The following WIPI2 variants were observed in gnomAD, a reference collection of about 807,000 sequenced individuals.
WIPI2 encodes WD repeat domain, phosphoinositide interacting 2.
Under a neutral mutation model 52.3 loss-of-function variants are expected in WIPI2, and 28 were observed. That is an observed-to-expected ratio of 0.54 (90% CI 0.40 to 0.73). The LOEUF (loss-of-function observed/expected upper bound fraction) is 0.73. WIPI2 is among the 30% of genes least tolerant of loss of function. WIPI2 has a pLI of 0.00. For missense variants in WIPI2, 506 were observed against 602.9 expected, an observed-to-expected ratio of 0.84 and a Z score of 1.68; for synonymous variants, 268 against 245.0, an observed-to-expected ratio of 1.09 and a Z score of -0.88.
chr7:5,210,806 C>T (rs567966627), intron 3 of WIPI2, among the ~76,000 whole-genome samples: 10 of 152,282 alleles, frequency 6.6e-5, no homozygotes, highest in Admixed American at 4.6e-4. Flanking sequence ...GGCCTCTGGT[C>T]GCAACATTTT....
chr7:5,220,454 T>C (rs542923767), intron 7 of WIPI2, among the ~76,000 whole-genome samples: 2 of 151,948 alleles, frequency 1.3e-5, no homozygotes, highest in African/African-American at 2.4e-5. Flanking sequence ...TTGGCCAGGC[T>C]GGTCGTGAAC....
At chr7:5,208,156 C>A (rs542371668) in intron 3 of WIPI2, among the ~76,000 whole-genome samples, 2 of 152,274 alleles carry the variant, frequency 1.3e-5, no homozygotes, top group African/African-American at 4.8e-5. Flanking sequence ...ATTTGAATTT[C>A]TCAGGTAACT....
chr7:5,233,513 C>G lies in WIPI2; in HGVS notation c.*2566C>G, dbSNP rs963561310. On this transcript the variant is annotated 3_prime_UTR_variant, in exon 13 of 13. Transcript: ENST00000288828. Reference sequence around the variant, plus strand: ...GACGATGAGCGTGGGGGATAGGAAACAAAACCTGTAAACGTTGTGAATGGG... The same window carrying G: ...GACGATGAGCGTGGGGGATAGGAAAGAAAACCTGTAAACGTTGTGAATGGG... 3 of 152,558 alleles carry G rather than the reference C, an allele frequency of 2.0e-5. No homozygotes were observed. The highest frequency in any genetic ancestry group is 7.2e-5 in the African/African-American group (3 of 41,444). The allele number at this position is 152,558 out of a possible 1,614,324, so 9.5% of individuals were successfully genotyped here.
In WIPI2 at chr7:5,218,008, G is replaced by A. The variant is rs147063855; in HGVS notation, c.663G>A (p.Ser221=). ...GTGGAACTAAACTTGCCACGGCTTCGGAGAAGGTGAGTCTGCTTTTCCCCG... is the reference window on the plus strand; with the variant it reads ...GTGGAACTAAACTTGCCACGGCTTCAGAGAAGGTGAGTCTGCTTTTCCCCG... ...DASGTKLATA[S]EKGTVIRVFS... Residue 221 remains serine, a synonymous_variant, in exon 7 of 13, where the codon TCG becomes TCA. Coordinates refer to ENST00000288828, the MANE Select transcript of WIPI2 (RefSeq NM_015610.4). The A allele has an allele frequency of 1.1e-3, 1,789 of 1,614,052 alleles. 2 individuals are homozygous for A. The highest frequency in any genetic ancestry group is 1.4e-3 in the Non-Finnish European group (1,643 of 1,180,024).
chr7:5,212,823 C>T (rs1331962062), intron 3 of WIPI2, among the ~76,000 whole-genome samples: 1 of 152,228 alleles, frequency 6.6e-6, no homozygotes, highest in African/African-American at 2.4e-5. Flanking sequence ...TGGCCCCAGC[C>T]CTCTTTCTCG....
chr7:5,211,226 C>A (rs193258443), intron 3 of WIPI2, among the ~76,000 whole-genome samples: 38 of 152,334 alleles, frequency 2.5e-4, no homozygotes, highest in African/African-American at 8.7e-4. Flanking sequence ...AATCCAAGCA[C>A]TTTGGGAGGC....
At chr7:5,204,663 T>A (rs923237613) in intron 3 of WIPI2, among the ~76,000 whole-genome samples, 2 of 152,160 alleles carry the variant, frequency 1.3e-5, no homozygotes, top group Non-Finnish European at 2.9e-5. Context: ...CATCCTTTTG[T>A]GTTATGGCTG....
At chr7:5,224,202 CT>C (rs1176128449) in intron 8 of WIPI2, among the ~76,000 whole-genome samples, 1 of 152,240 alleles carries the variant, frequency 6.6e-6, no homozygotes, top group South Asian at 2.1e-4. Flanking sequence ...GAGCCGATCT[CT>C]TTTATCCACC....
At chr7:5,203,329 C>T (rs1206705303) in intron 3 of WIPI2, among the ~76,000 whole-genome samples, 4 of 152,216 alleles carry the variant, frequency 2.6e-5, no homozygotes, top group African/African-American at 9.6e-5. Flanking sequence ...TGGCCTCTTA[C>T]CTTGCATCCT....
Position 5,217,114 on chromosome 7 carries a change from A to G in WIPI2, c.503A>G (p.Asn168Ser), listed in dbSNP as rs978436698. 5 of 1,613,552 alleles carry G rather than the reference A, an allele frequency of 3.1e-6. No individual in the cohort carries two copies. Among genetic ancestry groups the G allele is most frequent in the Non-Finnish European group, 4.2e-6 (5 of 1,179,496 alleles). The change falls in exon 6 of 13, where the codon AAC becomes AGC. Residue 168 changes from asparagine to serine, a missense_variant. Physicochemically the swap from Asn to Ser is conservative, Grantham distance 46 (BLOSUM62 1). Transcript: ENST00000288828. Reference sequence around the variant, plus strand: ...GGCCTGTGTGCGCTGTCAATCAACAACGACAACTGCTACTTGGCGTACCCA... The same window carrying G: ...GGCCTGTGTGCGCTGTCAATCAACAGCGACAACTGCTACTTGGCGTACCCA... ...PAGLCALSIN[N>S]DNCYLAYPGS...
chr7:5,191,850 C>T (rs1334991836), intron 1 of WIPI2, among the ~76,000 whole-genome samples: 1 of 152,148 alleles, frequency 6.6e-6, no homozygotes, highest in Non-Finnish European at 1.5e-5. Flanking sequence ...TAGCACCTCC[C>T]CAAAGCTGTG....
chr7:5,218,063 A>AC (rs933737703), intron 7 of WIPI2, 49 bp downstream of exon 7: 1 of 1,593,646 alleles, frequency 6.3e-7, no homozygotes, highest in Non-Finnish European at 8.6e-7. Context: ...GCGTCCACAG[A>AC]CTTTTTCAGT....
chr7:5,221,025 A>G lies in WIPI2; in HGVS notation c.670-1577A>G, dbSNP rs181389570. 3.6e-3 allele frequency among the ~76,000 whole-genome samples: 487 copies of G among 134,350 alleles called. 3 individuals are homozygous for G. The highest frequency in any genetic ancestry group is 7.4e-3 in the Admixed American group (86 of 11,698). The allele number at this position is 134,350 out of a possible 152,430, so 88.1% of individuals were successfully genotyped here. A position where few individuals can be genotyped will look rare whatever the true frequency, so the allele number is the denominator to read the frequency against. On this transcript the variant is annotated intron_variant, in intron 7 of 12. Transcript: ENST00000288828. ...GTCACCCAGGCTCAAGTGCAGTGGT[A>G]TGATCTCGGCTCACTGCAACCTCCG...
At chr7:5,204,951 C>T (rs1374852382) in intron 3 of WIPI2, among the ~76,000 whole-genome samples, 2 of 152,134 alleles carry the variant, frequency 1.3e-5, no homozygotes, top group East Asian at 3.9e-4. Flanking sequence ...GCTGGGCCTA[C>T]AGGTGTGAGC....
At chr7:5,215,464 C>G (rs1460982064) in intron 4 of WIPI2, among the ~76,000 whole-genome samples, 1 of 152,240 alleles carries the variant, frequency 6.6e-6, no homozygotes, top group Non-Finnish European at 1.5e-5. Flanking sequence ...GTGCGTGTTT[C>G]ACGCACGTGT....
At position 5,232,082 on chromosome 7, in the gene WIPI2, T is replaced by C. The variant is rs765961343; in HGVS notation, c.*1135T>C. The stretch of plus-strand genomic sequence containing the variant: ...AAACAACCTCAAGTACCTCAGACTC[T>C]GCATTCCAAACCAAGGCACCCAGCA... On this transcript the variant is annotated 3_prime_UTR_variant, in exon 13 of 13. Coordinates refer to ENST00000288828, the MANE Select transcript of WIPI2 (RefSeq NM_015610.4). 2.5e-6 allele frequency: 1 copy of C among 398,574 alleles called. No homozygotes were observed. The highest frequency in any genetic ancestry group is 4.4e-6 in the Non-Finnish European group (1 of 226,066). 24.7% of individuals were successfully genotyped at this position (398,574 alleles called of 1,614,324 possible).
At position 5,220,492 on chromosome 7, in the gene WIPI2, G is replaced by C. The variant is rs1028653058; in HGVS notation, c.670-2110G>C. ...CTGACCTCGTGATCCACCCGCCTTG[G>C]CCTCCCAAAGTGCTGGGATTACAGG... On this transcript the variant is annotated intron_variant, in intron 7 of 12. Transcript: ENST00000288828. Among the ~76,000 whole-genome samples, 11 of 151,960 alleles carry C rather than the reference G, an allele frequency of 7.2e-5. No homozygotes were observed. The South Asian group carries it at 1.7e-3, about 23-fold the overall frequency.
intron 3 of WIPI2, 99 bp downstream of exon 3, chr7:5,199,757 C>T: frequency 3.4e-6 from 4 of 1,186,694 alleles, no homozygotes; most frequent in Non-Finnish European, 4.7e-6. Context: ...GGTTGAAGTC[C>T]AGACACCCTC....
At chr7:5,196,632 C>T (rs66613915) in intron 2 of WIPI2, among the ~76,000 whole-genome samples, 5 of 151,712 alleles carry the variant, frequency 3.3e-5, no homozygotes, top group Admixed American at 6.6e-5. Flanking sequence ...GACTAAGGCT[C>T]GTTAATTTTG....
Sources: gnomAD v4.1 joint callset for allele counts (sites outside exome capture counted in the v4.1 genomes callset) on GRCh38, gnomAD v4.1.1 for gene constraint, MANE v1.5 for transcripts, NCBI Gene and HGNC (gene_info 2026-07-23, HGNC 2026-07-21) for gene names.